The following CLASP2 variants were observed in gnomAD, a reference collection of about 807,000 sequenced individuals.
CLASP2 encodes the protein cytoplasmic linker associated protein 2.
CLASP2 carries 47 observed loss-of-function variants against 194.4 expected under a neutral mutation model. The observed-to-expected ratio is 0.24, with a 90% CI of 0.19 to 0.31. The LOEUF is 0.31. Among genes scored for constraint, CLASP2 ranks in the 10% least tolerant of loss-of-function variants. CLASP2 has a pLI of 1.00. For synonymous variants in CLASP2, 619 were observed against 633.5 expected (o/e 0.98, Z 0.34); for missense variants, 1,445 against 1,823.6 (o/e 0.79, Z 3.78).
chr3:33,533,769 C>T (rs531559493), intron 34 of CLASP2, among the ~76,000 whole-genome samples: 1 of 152,134 alleles, frequency 6.6e-6, no homozygotes, highest in African/African-American at 2.4e-5. Flanking sequence ...GGTTGGAGTG[C>T]AGTGGTGCAA....
At chr3:33,590,781 G>A (rs926389814) in intron 21 of CLASP2, among the ~76,000 whole-genome samples, 1 of 152,092 alleles carries the variant, frequency 6.6e-6, no homozygotes, top group East Asian at 1.9e-4. Context: ...TCTCTTTCCT[G>A]ATTTCAAAAT....
chr3:33,636,480 T>C (rs2080160390), intron 8 of CLASP2, among the ~76,000 whole-genome samples: 1 of 151,808 alleles, frequency 6.6e-6, no homozygotes, highest in Admixed American at 6.6e-5. Context: ...TTCTCCAACA[T>C]AAATTCAATA....
intron 7 of CLASP2, among the ~76,000 whole-genome samples, chr3:33,662,977 G>C (rs1212899120): frequency 1.3e-5 from 2 of 152,030 alleles, no homozygotes; most frequent in Non-Finnish European, 2.9e-5. Flanking sequence ...TTATGCTAGT[G>C]AAGTTCCTGT....
chr3:33,573,079 A>G (rs1269925932), intron 25 of CLASP2, 31 bp downstream of exon 25: 1 of 1,611,230 alleles, frequency 6.2e-7, no homozygotes, highest in South Asian at 1.1e-5. Flanking sequence ...CTAACCTGAT[A>G]GTAAAATCAT....
intron 8 of CLASP2, among the ~76,000 whole-genome samples, chr3:33,636,290 C>T (rs980942941): frequency 6.6e-5 from 10 of 152,054 alleles, no homozygotes; most frequent in Non-Finnish European, 1.2e-4. Flanking sequence ...CCTGGCCCCA[C>T]GGAATCTACT....
At chr3:33,548,763 CT>C (rs57112524) in intron 30 of CLASP2, among the ~76,000 whole-genome samples, 2,964 of 93,140 alleles carry the variant, frequency 0.032, 82 homozygotes, top group African/African-American at 0.11. Flanking sequence ...GGTTTCATTT[CT>C]TTTTTTTTTT....
At chr3:33,530,116 A>C (rs545025898) in intron 34 of CLASP2, among the ~76,000 whole-genome samples, 6 of 151,858 alleles carry the variant, frequency 4.0e-5, no homozygotes, top group African/African-American at 9.7e-5. Context: ...TTTTACAATT[A>C]ACTTAAAAAA....
intron 28 of CLASP2, among the ~76,000 whole-genome samples, chr3:33,559,669 C>T (rs966559097): frequency 6.6e-6 from 1 of 151,956 alleles, no homozygotes; most frequent in Non-Finnish European, 1.5e-5. Flanking sequence ...CTGAGGCGGG[C>T]GGATCACCCG....
intron 29 of CLASP2, among the ~76,000 whole-genome samples, chr3:33,553,824 CAT>C (rs1158829097): frequency 7.2e-5 from 11 of 152,132 alleles, no homozygotes; most frequent in Non-Finnish European, 1.3e-4. Context: ...ATAGAACTGC[CAT>C]ATGATCCAGC....
chr3:33,713,012 C>CAAAAAAAAAAAA (rs57940200), intron 1 of CLASP2, among the ~76,000 whole-genome samples: 39 of 47,000 alleles, frequency 8.3e-4, no homozygotes, highest in East Asian at 1.6e-3. Context: ...AACTCCACCT[C>CAAAAAAAAAAAA]AAAAAAAAAA....
At chr3:33,688,146 A>G in intron 4 of CLASP2, 131 bp downstream of exon 4, 1 of 600,868 alleles carries the variant, frequency 1.7e-6, no homozygotes, top group Non-Finnish European at 2.8e-6. Flanking sequence ...CAGTAAAGGT[A>G]TCAAATGAAG....
chr3:33,592,791 G>T (rs1335637690), intron 20 of CLASP2: 2 of 359,424 alleles, frequency 5.6e-6, no homozygotes, highest in East Asian at 6.7e-5. Context: ...CATGTCACTT[G>T]TTTCTCAATT....
At chr3:33,592,842 G>A (rs1347926321) in intron 20 of CLASP2, among the ~76,000 whole-genome samples, 1 of 152,158 alleles carries the variant, frequency 6.6e-6, no homozygotes, top group Non-Finnish European at 1.5e-5. Flanking sequence ...ATGAAGTTCA[G>A]ATTATTCTCA....
intron 7 of CLASP2, among the ~76,000 whole-genome samples, chr3:33,651,636 CTTT>C (rs1454338298): frequency 2.1e-5 from 3 of 141,782 alleles, no homozygotes; most frequent in Non-Finnish European, 1.5e-5. Context: ...ATTGAAATGG[CTTT>C]TTAAACTTTC....
At chr3:33,543,600 T>C (rs1383999449) in intron 31 of CLASP2, 61 bp from the exon 32 acceptor site, 14 of 990,988 alleles carry the variant, frequency 1.4e-5, no homozygotes, top group Non-Finnish European at 2.3e-5. Flanking sequence ...AAAAAAACTC[T>C]TAAGGAAGCC....
chr3:33,694,518 G>A (rs2091673351), intron 2 of CLASP2, among the ~76,000 whole-genome samples: 1 of 152,192 alleles, frequency 6.6e-6, no homozygotes, highest in Non-Finnish European at 1.5e-5. Flanking sequence ...AGGAGACACA[G>A]GAAATGCTGA....
intron 12 of CLASP2, among the ~76,000 whole-genome samples, chr3:33,615,960 A>G (rs1577238737): frequency 2.0e-5 from 3 of 152,220 alleles, no homozygotes; most frequent in Admixed American, 2.0e-4. Flanking sequence ...CCAAAGCCTT[A>G]TAATAATAAA....
At position 33,681,195 on chromosome 3, in the gene CLASP2, C is replaced by T. The variant is rs540313485; in HGVS notation, c.644+3164G>A. ...AAAAGATATAATGTATACATACACA[C>T]GCACACACACAAATACATATGTTAA... is the stretch of plus-strand genomic sequence containing the variant. On this transcript the variant is annotated intron_variant, in intron 6 of 38. Transcript: ENST00000682230. Among the ~76,000 whole-genome samples, 33 of 151,610 alleles carry T rather than the reference C, an allele frequency of 2.2e-4. No individual in the cohort carries two copies. The South Asian group carries it at 5.2e-3, about 24-fold the overall frequency.
At chr3:33,658,885 G>T in intron 7 of CLASP2, 2 of 1,201,084 alleles carry the variant, frequency 1.7e-6, no homozygotes, top group Non-Finnish European at 2.4e-6. Flanking sequence ...ATTCTTTAGG[G>T]AGAAATATAT....
Sources: allele counts gnomAD v4.1 joint callset (sites outside exome capture counted in the v4.1 genomes callset), GRCh38; gene constraint gnomAD v4.1.1; transcripts MANE v1.5; gene names NCBI Gene and HGNC (gene_info 2026-07-23, HGNC 2026-07-21).